CD164: variants seen among roughly 807,000 people sequenced by gnomAD.
CD164 encodes the protein CD164 molecule, also known as sialomucin core protein 24.
CD164 carries 11 observed loss-of-function variants against 24.6 expected under a neutral mutation model. The observed-to-expected ratio is 0.45, with a 90% CI of 0.28 to 0.74. The LOEUF (loss-of-function observed/expected upper bound fraction) is 0.74, where lower values mean the gene tolerates loss of function less well. Among genes scored for constraint, CD164 ranks in the 30% least tolerant of loss-of-function variants. The pLI is 0.13. For missense variants in CD164, 295 were observed against 243.7 expected, an observed-to-expected ratio of 1.21 and a Z score of -1.40; for synonymous variants, 126 against 100.3, an observed-to-expected ratio of 1.26 and a Z score of -1.53.
rs1770887104 is a variant in CD164 at position 109,368,379 on chromosome 6, C to G, written c.*472G>C. 3 of 1,493,176 alleles carry G rather than the reference C, an allele frequency of 2.0e-6. No individual in the cohort carries two copies. Among genetic ancestry groups the G allele is most frequent in the Non-Finnish European group, 2.7e-6 (3 of 1,122,852 alleles). The allele number at this position is 1,493,176 out of a possible 1,614,324, so 92.5% of individuals were successfully genotyped here. On this transcript the variant is annotated 3_prime_UTR_variant, in exon 6 of 6. Coordinates refer to ENST00000310786, the MANE Select transcript of CD164 (RefSeq NM_006016.6). ...GCACAAAATTTTAATCTAAGGATACCATTTAGTACTACTAAATTAATAAAT... is the reference window on the plus strand; with the variant it reads ...GCACAAAATTTTAATCTAAGGATACGATTTAGTACTACTAAATTAATAAAT...
chr6:109,368,812 C>T lies in CD164; in HGVS notation c.*39G>A, dbSNP rs776410933. The T allele has an allele frequency of 1.6e-5, 25 of 1,576,480 alleles. No individual in the cohort carries two copies. Among genetic ancestry groups the T allele is most frequent in the Admixed American group, 1.2e-4 (6 of 49,588 alleles). On this transcript the variant is annotated 3_prime_UTR_variant, in exon 6 of 6. Coordinates refer to ENST00000310786, the MANE Select transcript of CD164 (RefSeq NM_006016.6). ...AGTATTTTGGCTTCAGTGAGTTACA[C>T]AAATGAATCACCAGTCCTTATTAAT...
rs773099923 is a variant in CD164 at position 109,368,904 on chromosome 6, A to G, written c.541T>C (p.Phe181Leu). 13 of 1,613,528 alleles carry G rather than the reference A, an allele frequency of 8.1e-6. No homozygotes were observed. In the African/African-American group the frequency reaches 1.3e-4, roughly 17 times the overall value. The change falls in exon 6 of 6, where the codon TTC (phenylalanine) becomes CTC (leucine). Residue 181 changes from phenylalanine to leucine, a missense_variant. Coordinates refer to ENST00000310786, the MANE Select transcript of CD164 (RefSeq NM_006016.6). ...VLVLGVQAVI[F>L]FLYKFCKSKE... ...GATTTGCAGAATTTATAAAGAAAGA[A>G]AATTACAGCCTGCACACCCAAGACC...
chr6:109,369,385 A>G (rs190278888), intron 5 of CD164, among the ~76,000 whole-genome samples: 2 of 152,338 alleles, frequency 1.3e-5, no homozygotes. Flanking sequence ...GAGAATTCAC[A>G]TGACTTTTGA....
intron 2 of CD164, 53 bp downstream of exon 2, chr6:109,379,524 TAC>T: frequency 1.6e-6 from 2 of 1,241,940 alleles, no homozygotes; most frequent in Non-Finnish European, 2.3e-6. Context: ...GTTCAAGAAT[TAC>T]TGTATTTTAA....
chr6:109,368,561 A>G lies in CD164; in HGVS notation c.*290T>C, dbSNP rs540574633. 2 of 1,334,960 alleles carry G rather than the reference A, an allele frequency of 1.5e-6. No individual in the cohort carries two copies. The highest frequency in any genetic ancestry group is 1.9e-6 in the Non-Finnish European group (2 of 1,048,688). The allele number at this position is 1,334,960 out of a possible 1,614,324, so 82.7% of individuals were successfully genotyped here. On this transcript the variant is annotated 3_prime_UTR_variant, in exon 6 of 6. Coordinates refer to ENST00000310786, the MANE Select transcript of CD164 (RefSeq NM_006016.6). ...AGACAACATTTTCCATCACTTTCAG[A>G]AAGTTATATTTGGCATGTTAAGGAA...
At chr6:109,369,677 T>TA (rs1770972504) in intron 5 of CD164, among the ~76,000 whole-genome samples, 1 of 152,206 alleles carries the variant, frequency 6.6e-6, no homozygotes, top group South Asian at 2.1e-4. Context: ...CTGGTTCTGG[T>TA]GGCTGTACAA....
chr6:109,368,152 A>C lies in CD164; in HGVS notation c.*699T>G, dbSNP rs1055123823. The C allele has an allele frequency of 1.7e-5, 15 of 868,006 alleles. No individual in the cohort carries two copies. Among genetic ancestry groups the C allele is most frequent in the African/African-American group, 1.6e-4 (9 of 55,164 alleles). The allele number at this position is 868,006 out of a possible 1,614,324, so 53.8% of individuals were successfully genotyped here. On this transcript the variant is annotated 3_prime_UTR_variant, in exon 6 of 6. Transcript: ENST00000310786. ...TTACCTTCCTTAATGTCAAAGAACA[A>C]ATCATAGACATTAAGCTAGAGCTTA...
chr6:109,369,887 G>A (rs1465187492), intron 5 of CD164, among the ~76,000 whole-genome samples: 2 of 152,274 alleles, frequency 1.3e-5, no homozygotes, highest in South Asian at 2.1e-4. Flanking sequence ...ATCCTGTGGC[G>A]TAACCTAACT....
chr6:109,382,250 G>T lies in CD164; in HGVS notation c.129C>A (p.Thr43=). The T allele has an allele frequency of 1.9e-6, 3 of 1,588,448 alleles. No homozygotes were observed. Among genetic ancestry groups the T allele is most frequent in the Non-Finnish European group, 2.6e-6 (3 of 1,170,304 alleles). ...VTTLAPISNV[T]SAPVTSLPLV... is the part of the protein sequence containing the mutation. ...GCGGGAGGGACGTCACCGGCGCCGA[G>T]GTTACGTTGGAGATGGGCGCTAAAG... Residue 43 remains threonine (T), a synonymous_variant, in exon 1 of 6, where the codon ACC becomes ACA. Transcript: ENST00000310786.
chr6:109,368,538 A>C lies in CD164; in HGVS notation c.*313T>G. 2 of 1,342,604 alleles carry C rather than the reference A, an allele frequency of 1.5e-6. No homozygotes were observed. The highest frequency in any genetic ancestry group is 1.9e-6 in the Non-Finnish European group (2 of 1,053,018). The allele number at this position is 1,342,604 out of a possible 1,614,324, so 83.2% of individuals were successfully genotyped here. On this transcript the variant is annotated 3_prime_UTR_variant, in exon 6 of 6. Transcript: ENST00000310786. ...AGAGCCATGATGTTGTCTGCACAAG[A>C]CAACATTTTCCATCACTTTCAGAAA...
rs1771506465 is a variant in CD164 at position 109,377,914 on chromosome 6, G to A, written c.317C>T (p.Thr106Ile). ...TVSDCQVGNT[T>I]DFCSVSTATP... Reference sequence around the variant, plus strand: ...TGAATACTTACCGGAACAGAAGTCTGTCGTGTTCCCCACTTGACAATCACT... The same window carrying A: ...TGAATACTTACCGGAACAGAAGTCTATCGTGTTCCCCACTTGACAATCACT... The change falls in exon 3 of 6, where the codon ACA becomes ATA. Residue 106 changes from threonine (T) to isoleucine (I), a missense_variant. Coordinates refer to ENST00000310786, the MANE Select transcript of CD164 (RefSeq NM_006016.6). The A allele has an allele frequency of 1.2e-6, 2 of 1,613,038 alleles. No individual in the cohort carries two copies. The highest frequency in any genetic ancestry group is 1.7e-6 in the Non-Finnish European group (2 of 1,179,240).
Position 109,375,289 on chromosome 6 carries a change from T to A in CD164, c.370+785A>T, listed in dbSNP as rs560921201. Among the ~76,000 whole-genome samples the A allele has an allele frequency of 7.9e-5, 12 of 152,114 alleles. No individual in the cohort carries two copies. The South Asian group carries it at 1.9e-3, about 24-fold the overall frequency. ...CCTAATTCTCTAATCAAGAGCAGGA[T>A]GGGTAAAGTGTATACCATAATGCTT... is the stretch of plus-strand genomic sequence containing the variant. On this transcript the variant is annotated intron_variant, in intron 4 of 5. Coordinates refer to ENST00000310786, the MANE Select transcript of CD164 (RefSeq NM_006016.6).
intron 2 of CD164, among the ~76,000 whole-genome samples, chr6:109,379,106 A>G (rs1771588387): frequency 6.6e-6 from 1 of 152,200 alleles, no homozygotes; most frequent in African/African-American, 2.4e-5. Flanking sequence ...AGCATCCAAC[A>G]GTTTCATAAG....
intron 5 of CD164, among the ~76,000 whole-genome samples, chr6:109,369,856 C>T (rs1301563279): frequency 6.6e-6 from 1 of 152,130 alleles, no homozygotes; most frequent in Non-Finnish European, 1.5e-5. Context: ...GGAAAGGATT[C>T]CTAACCTGTG....
chr6:109,369,121 A>C (rs1770941042), intron 5 of CD164, 104 bp from the exon 6 acceptor site: 1 of 969,212 alleles, frequency 1.0e-6, no homozygotes, highest in African/African-American at 1.7e-5. Flanking sequence ...TAAATTCTAT[A>C]AAGTATTTCC....
Position 109,368,035 on chromosome 6 carries a change from C to A in CD164, c.*816G>T. The A allele has an allele frequency of 3.2e-6, 1 of 313,868 alleles. No homozygotes were observed. The highest frequency in any genetic ancestry group is 5.8e-6 in the Non-Finnish European group (1 of 171,446). 19.4% of individuals were successfully genotyped at this position (313,868 alleles called of 1,614,324 possible). ...ACAGACTTTAGCTTAAGTTTCTCCG[C>A]TCTGAAATAAATTTTCAATAAAATA... is the stretch of plus-strand genomic sequence containing the variant. On this transcript the variant is annotated 3_prime_UTR_variant, in exon 6 of 6. Transcript: ENST00000310786.
chr6:109,377,590 G>C (rs1391938463), intron 3 of CD164, among the ~76,000 whole-genome samples: 2 of 150,124 alleles, frequency 1.3e-5, no homozygotes, highest in Admixed American at 6.6e-5. Context: ...AGGTTTCCCA[G>C]ACCTGCAAGA....
intron 4 of CD164, among the ~76,000 whole-genome samples, chr6:109,373,964 G>GT (rs536166955): frequency 5.3e-4 from 80 of 152,304 alleles, no homozygotes; most frequent in African/African-American, 1.2e-3. Context: ...ACACCACTGC[G>GT]TAAGTGTTTC....
In CD164 at chr6:109,366,666, T is replaced by C. The variant is rs1251157071; in HGVS notation, c.*2185A>G. ...CTGTAAGGTAAAATAAGGTATTTGA[T>C]AGAAGAACATCTGCAAGAACAAATC... On this transcript the variant is annotated 3_prime_UTR_variant, in exon 6 of 6. Coordinates refer to ENST00000310786, the MANE Select transcript of CD164 (RefSeq NM_006016.6). 1 of 152,572 alleles carries C rather than the reference T, an allele frequency of 6.6e-6. No homozygotes were observed. The highest frequency in any genetic ancestry group is 1.5e-5 in the Non-Finnish European group (1 of 68,026). The allele number at this position is 152,572 out of a possible 1,614,324, so 9.5% of individuals were successfully genotyped here.
Sources: allele counts gnomAD v4.1 joint callset (sites outside exome capture counted in the v4.1 genomes callset), GRCh38; gene constraint gnomAD v4.1.1; transcripts MANE v1.5; gene names NCBI Gene and HGNC (gene_info 2026-07-23, HGNC 2026-07-21).